CEACAM5: variants seen among roughly 807,000 people sequenced by gnomAD.
CEACAM5 encodes the protein cell adhesion molecule CEACAM5.
CEACAM5 carries 52 observed loss-of-function variants against 63.0 expected under a neutral mutation model. That is an observed-to-expected ratio of 0.83 (90% CI 0.66 to 1.04). The LOEUF is 1.04. CEACAM5 is among the 50% of genes least tolerant of loss of function. CEACAM5 has a pLI of 0.00. For missense variants in CEACAM5, 790 were observed against 864.8 expected, an observed-to-expected ratio of 0.91 and a Z score of 1.08; for synonymous variants, 357 against 351.3, an observed-to-expected ratio of 1.02 and a Z score of -0.18.
rs201986383 is a variant in CEACAM5 at position 41,715,890 on chromosome 19, C to T, written c.944C>T (p.Thr315Met). 52 of 1,613,946 alleles carry T rather than the reference C, an allele frequency of 3.2e-5. No individual in the cohort carries two copies. Among genetic ancestry groups the T allele is most frequent in the Middle Eastern group, 1.6e-4 (1 of 6,062 alleles). ...GGCCTCAATAGGACCACAGTCACGA[C>T]GATCACAGTCTATGGTAAGTGGATC... The part of the protein sequence containing the change: ...DTGLNRTTVT[T>M]ITVYAEPPKP... The change falls in exon 4 of 10, where the codon ACG (threonine) becomes ATG (methionine). Residue 315 changes from threonine (T) to methionine (M), a missense_variant. By Grantham distance (81) the Thr-to-Met change is moderately conservative. Transcript: ENST00000221992.
Position 41,722,349 on chromosome 19 carries a change from G to C in CEACAM5, c.2026+1173G>C, listed in dbSNP as rs150603182. ...ACTGCACTCCAGCCTGGGTGACAGA[G>C]TGAGACTACATCACAAAAAAAAAAA... On this transcript the variant is annotated intron_variant, in intron 8 of 9. Transcript: ENST00000221992. Among the ~76,000 whole-genome samples, 1,010 of 136,680 alleles carry C rather than the reference G, an allele frequency of 7.4e-3. 14 individuals carry two copies. Among genetic ancestry groups the C allele is most frequent in the African/African-American group, 0.027 (973 of 36,260 alleles). 89.7% of individuals were successfully genotyped at this position (136,680 alleles called of 152,430 possible). A position where few individuals can be genotyped will look rare whatever the true frequency, so the allele number is the denominator to read the frequency against.
At chr19:41,718,508 A>C in intron 6 of CEACAM5, 126 bp downstream of exon 6, 1 of 941,534 alleles carries the variant, frequency 1.1e-6, no homozygotes, top group Non-Finnish European at 1.6e-6. Context: ...TCCCAAATTC[A>C]ATCCTGAGCA....
intron 4 of CEACAM5, 96 bp from the exon 5 acceptor site, chr19:41,717,359 G>T (rs540627284): frequency 1.7e-4 from 228 of 1,331,740 alleles, no homozygotes; most frequent in Non-Finnish European, 2.3e-4. Flanking sequence ...GACTCAGTTG[G>T]GCTGAGAGGT....
In CEACAM5 at chr19:41,730,257, A is replaced by G. The variant is rs1319274430; in HGVS notation, c.*1110A>G. ...AACACAGTGAAACCCCGTCTCTACT[A>G]AAAATACAAAAAAAGTTAGCCGGGC... On this transcript the variant is annotated 3_prime_UTR_variant, in exon 10 of 10. Coordinates refer to ENST00000221992, the MANE Select transcript of CEACAM5 (RefSeq NM_004363.6). 6.6e-6 allele frequency among the ~76,000 whole-genome samples: 1 copy of G among 151,958 alleles called. No homozygotes were observed. The highest frequency in any genetic ancestry group is 2.1e-4 in the South Asian group (1 of 4,820).
chr19:41,714,735 T>A (rs2072491460), intron 2 of CEACAM5, among the ~76,000 whole-genome samples: 1 of 152,198 alleles, frequency 6.6e-6, no homozygotes, highest in Admixed American at 6.5e-5. Context: ...CACAGCCCAA[T>A]GCTGCTGCTT....
chr19:41,715,703 GA>G lies in CEACAM5; in HGVS notation c.761del (p.Asn254IlefsTer2). The stretch of plus-strand genomic sequence containing the variant: ...TCTAAACACATCTTACAGATCAGGG[GA>G]AAATCTGAACCTCTCCTGCCACGCA... The part of the protein sequence containing the change: ...SPLNTSYRSG[E>X]NLNLSCHAAS... On this transcript the variant is annotated frameshift_variant, in exon 4 of 10. Coordinates refer to ENST00000221992, the MANE Select transcript of CEACAM5 (RefSeq NM_004363.6). LOFTEE classifies it high-confidence loss of function. 6.2e-7 allele frequency: 1 copy of G among 1,614,152 alleles called. No homozygotes were observed. Among genetic ancestry groups the G allele is most frequent in the Non-Finnish European group, 8.5e-7 (1 of 1,180,032 alleles).
At chr19:41,726,783 G>T (rs2072706760) in intron 8 of CEACAM5, among the ~76,000 whole-genome samples, 2 of 152,150 alleles carry the variant, frequency 1.3e-5, no homozygotes, top group Admixed American at 6.5e-5. Context: ...TCATTCCCCT[G>T]GTGGGAGCCC....
intron 8 of CEACAM5, among the ~76,000 whole-genome samples, chr19:41,723,823 C>T (rs2122834090): frequency 6.6e-6 from 1 of 151,906 alleles, no homozygotes; most frequent in East Asian, 1.9e-4. Flanking sequence ...GTGGTGGGCG[C>T]CTGTAGTCCC....
chr19:41,719,883 A>T (rs782579610), intron 6 of CEACAM5, 47 bp from the exon 7 acceptor site: 1 of 1,609,922 alleles, frequency 6.2e-7, no homozygotes, highest in Non-Finnish European at 8.5e-7. Context: ...GCCTGTGAGG[A>T]ATCAAAAGTG....
At chr19:41,718,445 A>G in intron 6 of CEACAM5, 63 bp downstream of exon 6, 4 of 1,566,368 alleles carry the variant, frequency 2.6e-6, no homozygotes, top group South Asian at 1.2e-5. Flanking sequence ...GTTTTCAGAA[A>G]AGAGCCAGGA....
rs2072561191 is a variant in CEACAM5, at chr19:41,718,298, A to G, written c.1408A>G (p.Lys470Glu). Residue 470 changes from lysine to glutamate, a missense_variant, in exon 6 of 10, where the codon AAG becomes GAG. By Grantham distance (56) the Lys-to-Glu change is moderately conservative. Transcript: ENST00000221992. ...GCTCTTTATCTCCAACATCACTGAG[A>G]AGAACAGCGGACTCTATACCTGCCA... ...QELFISNITE[K>E]NSGLYTCQAN... The G allele has an allele frequency of 6.2e-6, 10 of 1,614,178 alleles. No individual in the cohort carries two copies. The highest frequency in any genetic ancestry group is 8.5e-6 in the Non-Finnish European group (10 of 1,180,012).
intron 9 of CEACAM5, among the ~76,000 whole-genome samples, chr19:41,728,977 T>G (rs143817690): frequency 0.013 from 1,983 of 152,230 alleles, 41 homozygotes; most frequent in African/African-American, 0.044. Context: ...TCATTAGTGA[T>G]GTTAAACCTT....
chr19:41,713,303 C>CA (rs1177298153), intron 2 of CEACAM5, among the ~76,000 whole-genome samples: 6 of 149,392 alleles, frequency 4.0e-5, no homozygotes, highest in Non-Finnish European at 8.9e-5. Flanking sequence ...GACTCCATCT[C>CA]AAAAAAAAGA....
chr19:41,721,539 T>C (rs1555816238), intron 8 of CEACAM5, among the ~76,000 whole-genome samples: 1 of 152,258 alleles, frequency 6.6e-6, no homozygotes, highest in Admixed American at 6.5e-5. Context: ...TTTTTTCACC[T>C]ACTCTGTGAG....
At position 41,727,337 on chromosome 19, in the gene CEACAM5, C is replaced by CCTGAA; in HGVS notation, c.*21_*22insCTGAA. The CCTGAA allele has an allele frequency of 1.3e-6, 2 of 1,564,920 alleles. No homozygotes were observed. Among genetic ancestry groups the CCTGAA allele is most frequent in the Non-Finnish European group, 1.8e-6 (2 of 1,135,838 alleles). The stretch of plus-strand genomic sequence containing the variant: ...TATAGCAGCCCTGGTGTAGTTTCTT[C>CCTGAA]ATTTCAGGAAGACTGGTAGGTATAA... On this transcript the variant is annotated 3_prime_UTR_variant, in exon 9 of 10. Transcript: ENST00000221992.
In CEACAM5 at chr19:41,718,325, G is replaced by A. The variant is rs2072561816; in HGVS notation, c.1435G>A (p.Ala479Thr). The A allele has an allele frequency of 1.9e-6, 3 of 1,614,054 alleles. No individual in the cohort carries two copies. Among genetic ancestry groups the A allele is most frequent in the Non-Finnish European group, 2.5e-6 (3 of 1,180,038 alleles). The change falls in exon 6 of 10, where the codon GCC becomes ACC. Residue 479 changes from alanine to threonine, a missense_variant. By Grantham distance (58) the Ala-to-Thr change is moderately conservative. Transcript: ENST00000221992. ...GAACAGCGGACTCTATACCTGCCAG[G>A]CCAATAACTCAGCCAGTGGCCACAG... ...EKNSGLYTCQ[A>T]NNSASGHSRT... is the part of the protein sequence containing the mutation.
chr19:41,711,990 C>A (rs1207770602), intron 2 of CEACAM5, among the ~76,000 whole-genome samples: 2 of 152,224 alleles, frequency 1.3e-5, no homozygotes, highest in Non-Finnish European at 2.9e-5. Context: ...GGAGAATGAG[C>A]TTCCGCTGTG....
In CEACAM5 at chr19:41,714,419, G is replaced by C. The variant is rs924519246; in HGVS notation, c.425-552G>C. Among the ~76,000 whole-genome samples, 10 of 152,298 alleles carry C rather than the reference G, an allele frequency of 6.6e-5. No individual in the cohort carries two copies. The South Asian group carries it at 1.2e-3, about 19-fold the overall frequency. ...TGCCTAACGACTGAGCTGACCTCCA[G>C]GCTTGCCTCTGGTGTCCCCTGTGTT... On this transcript the variant is annotated intron_variant, in intron 2 of 9. Transcript: ENST00000221992.
chr19:41,718,939 G>T (rs1271246468), intron 6 of CEACAM5, among the ~76,000 whole-genome samples: 4 of 152,264 alleles, frequency 2.6e-5, no homozygotes, highest in African/African-American at 9.6e-5. Flanking sequence ...AAGGTGCTCA[G>T]GTGGCCTGTC....
Sources: gnomAD v4.1 joint callset for allele counts (sites outside exome capture counted in the v4.1 genomes callset) on GRCh38, gnomAD v4.1.1 for gene constraint, MANE v1.5 for transcripts, NCBI Gene and HGNC (gene_info 2026-07-23, HGNC 2026-07-21) for gene names.